CNKSR2: variants seen among roughly 807,000 people sequenced by gnomAD.
The protein encoded by CNKSR2 is CNK homolog protein 2.
In CNKSR2, 14 loss-of-function variants were observed where a neutral mutation model predicts 84.4. The observed-to-expected ratio is 0.17, with a 90% CI of 0.11 to 0.26. The LOEUF (loss-of-function observed/expected upper bound fraction) is 0.26, where lower values mean the gene tolerates loss of function less well. Among genes scored for constraint, CNKSR2 ranks in the 10% least tolerant of loss-of-function variants. The pLI is 1.00. For missense variants in CNKSR2, 485 were observed against 771.2 expected (o/e 0.63, Z 4.40); for synonymous variants, 275 against 277.9 (o/e 0.99, Z 0.10).
chrX:21,376,865 G>A (rs1042886949), intron 1 of CNKSR2, among the ~76,000 whole-genome samples: 1 of 111,395 alleles, frequency 9.0e-6, no homozygotes, highest in East Asian at 2.8e-4. Context: ...TTATATTCTT[G>A]CAGTTTCCCC....
At chrX:21,437,228 C>A (rs2090718167) in intron 3 of CNKSR2, among the ~76,000 whole-genome samples, 1 of 110,308 alleles carries the variant, frequency 9.1e-6, no homozygotes, top group South Asian at 3.8e-4. Flanking sequence ...TAAAACAAAA[C>A]AAAACAAAAC....
chrX:21,549,605 C>G (rs985300195), intron 11 of CNKSR2, among the ~76,000 whole-genome samples: 1 of 112,009 alleles, frequency 8.9e-6, no homozygotes, highest in Non-Finnish European at 1.9e-5. Flanking sequence ...CCCATATACC[C>G]AGGACAATCC....
chrX:21,490,847 C>T (rs1432326309), intron 6 of CNKSR2: 12 of 162,072 alleles, frequency 7.4e-5, no homozygotes, highest in Non-Finnish European at 2.3e-5. Flanking sequence ...ATTCTTTCAC[C>T]TCCCTCCCTA....
At chrX:21,512,596 G>A (rs762109136) in intron 8 of CNKSR2, among the ~76,000 whole-genome samples, 17 of 111,090 alleles carry the variant, frequency 1.5e-4, no homozygotes, top group African/African-American at 5.2e-4. Flanking sequence ...TTAGGATTCT[G>A]GTTTAAGTCT....
intron 1 of CNKSR2, among the ~76,000 whole-genome samples, chrX:21,395,378 C>T (rs930572522): frequency 1.8e-5 from 2 of 111,558 alleles, no homozygotes; most frequent in Non-Finnish European, 3.8e-5. Flanking sequence ...ACTACTTCTT[C>T]AATCTTTTTG....
At chrX:21,535,664 G>T (rs1241398770) in intron 11 of CNKSR2, among the ~76,000 whole-genome samples, 1 of 109,892 alleles carries the variant, frequency 9.1e-6, no homozygotes, top group South Asian at 3.9e-4. Context: ...TTTTTTTTCA[G>T]ATAGTTTGTT....
chrX:21,390,583 C>G (rs1045022946), intron 1 of CNKSR2, among the ~76,000 whole-genome samples: 1 of 111,367 alleles, frequency 9.0e-6, no homozygotes, highest in Non-Finnish European at 1.9e-5. Context: ...AAATCCACCC[C>G]CATGAGCCAA....
intron 1 of CNKSR2, among the ~76,000 whole-genome samples, chrX:21,389,729 A>G: frequency 8.9e-6 from 1 of 112,235 alleles, no homozygotes. Flanking sequence ...CCAGGAAACA[A>G]TATTGGCCCT....
At chrX:21,584,004 C>G (rs943387665) in intron 13 of CNKSR2, among the ~76,000 whole-genome samples, 1 of 112,134 alleles carries the variant, frequency 8.9e-6, no homozygotes, top group Non-Finnish European at 1.9e-5. Flanking sequence ...TTAGCACATT[C>G]TATTTTTATG....
intron 1 of CNKSR2, among the ~76,000 whole-genome samples, chrX:21,380,235 C>T (rs975698588): frequency 3.8e-4 from 43 of 111,794 alleles, no homozygotes; most frequent in African/African-American, 1.3e-3. Context: ...TGTTTCAAAT[C>T]TGTTTTTCAG....
At chrX:21,537,939 TTTTTG>T (rs752195208) in intron 11 of CNKSR2, 1 of 111,563 alleles carries the variant, frequency 9.0e-6, no homozygotes, top group East Asian at 2.8e-4. Context: ...CTTTCTTCTC[TTTTTG>T]TTTTATCTTT....
At chrX:21,572,376 T>C (rs1246586270) in intron 13 of CNKSR2, among the ~76,000 whole-genome samples, 2 of 112,900 alleles carry the variant, frequency 1.8e-5, no homozygotes, top group Non-Finnish European at 3.7e-5. Context: ...GGTTACAAAT[T>C]GAATAATCAT....
intron 1 of CNKSR2, among the ~76,000 whole-genome samples, chrX:21,420,828 T>C (rs919880364): frequency 2.7e-5 from 3 of 110,364 alleles, no homozygotes; most frequent in African/African-American, 9.9e-5. Flanking sequence ...AGCCATGAGC[T>C]GTAAAGCCTG....
At chrX:21,430,484 A>G (rs901356596) in intron 2 of CNKSR2, among the ~76,000 whole-genome samples, 2 of 111,667 alleles carry the variant, frequency 1.8e-5, no homozygotes, top group African/African-American at 6.5e-5. Flanking sequence ...AATATCAGTT[A>G]CCAAGTTGAG....
At chrX:21,519,773 C>T (rs1435654878) in intron 9 of CNKSR2, among the ~76,000 whole-genome samples, 1 of 110,752 alleles carries the variant, frequency 9.0e-6, no homozygotes, top group Non-Finnish European at 1.9e-5. Context: ...GCTTAATTTA[C>T]CTGATAGCAT....
intron 20 of CNKSR2, among the ~76,000 whole-genome samples, chrX:21,634,557 A>T (rs2092661691): frequency 9.0e-6 from 1 of 111,417 alleles, no homozygotes; most frequent in African/African-American, 3.3e-5. Flanking sequence ...CATCTTTATA[A>T]TATTGCAAGC....
intron 5 of CNKSR2, among the ~76,000 whole-genome samples, chrX:21,488,003 TTCAGG>T (rs756190338): frequency 3.6e-4 from 41 of 112,404 alleles, no homozygotes; most frequent in African/African-American, 1.0e-3. Context: ...GGTTTCCTAT[TTCAGG>T]GGAATGATCT....
rs891366643 is a variant in CNKSR2, at chrX:21,587,497, G to C, written c.1609-3075G>C. 3.6e-5 allele frequency among the ~76,000 whole-genome samples: 4 copies of C among 111,919 alleles called. No homozygotes were observed. In the Admixed American group the frequency reaches 3.8e-4, roughly 11 times the overall value. Reference sequence around the variant, plus strand: ...TTTCATTTTTCAGTTAGTTGTTGTAGCACCTTATATGATCAGCTGTGTTAT... The same window carrying C: ...TTTCATTTTTCAGTTAGTTGTTGTACCACCTTATATGATCAGCTGTGTTAT... On this transcript the variant is annotated intron_variant, in intron 13 of 21. Transcript: ENST00000379510.
rs1216119731 is a variant in CNKSR2 at position 21,451,678 on chromosome X, T to G, written c.519+10897T>G. ...ACACGTGGACACAGGAAGGGGAACA[T>G]CACACTCTGGGGACTGTTGTGGGGT... On this transcript the variant is annotated intron_variant, in intron 4 of 21. Coordinates refer to ENST00000379510, the MANE Select transcript of CNKSR2 (RefSeq NM_014927.5). Among the ~76,000 whole-genome samples the G allele has an allele frequency of 5.4e-5, 4 of 74,448 alleles. No individual in the cohort carries two copies. In the East Asian group the frequency reaches 1.9e-3, roughly 36 times the overall value. The allele number at this position is 74,448 out of a possible 115,157, so 64.6% of individuals were successfully genotyped here.
Sources: gnomAD v4.1 joint callset for allele counts (sites outside exome capture counted in the v4.1 genomes callset) on GRCh38, gnomAD v4.1.1 for gene constraint, MANE v1.5 for transcripts, NCBI Gene and HGNC (gene_info 2026-07-23, HGNC 2026-07-21) for gene names.